IL17RA: variants seen among roughly 807,000 people sequenced by gnomAD.
The protein encoded by IL17RA is interleukin-17 receptor A.
Under a neutral mutation model 50.4 loss-of-function variants are expected in IL17RA, and 34 were observed. The ratio of observed to expected loss-of-function variants is 0.67; its 90% CI spans 0.51 to 0.90. The LOEUF is 0.90. Among genes scored for constraint, IL17RA ranks in the 40% least tolerant of loss-of-function variants. The probability of loss-of-function intolerance (pLI) is 0.00; values close to 1 mark genes in which losing one functional copy is unlikely to be tolerated. For missense variants in IL17RA, 1,276 were observed against 1,169.8 expected, an observed-to-expected ratio of 1.09 and a Z score of -1.32; for synonymous variants, 585 against 510.4, an observed-to-expected ratio of 1.15 and a Z score of -1.97.
rs984586579 is a variant in IL17RA, at chr22:17,115,589, A to G, written c.*5769A>G. On this transcript the variant is annotated 3_prime_UTR_variant, in exon 13 of 13. Coordinates refer to ENST00000319363, the MANE Select transcript of IL17RA (RefSeq NM_014339.7). Reference sequence around the variant, plus strand: ...AATACTGGCTGCCTCTGTGCTAAGAAAAAAAAAAAATCACTGTGTGTTTGT... The same window carrying G: ...AATACTGGCTGCCTCTGTGCTAAGAGAAAAAAAAAATCACTGTGTGTTTGT... 1.3e-5 allele frequency: 2 copies of G among 150,796 alleles called. No individual in the cohort carries two copies. Among genetic ancestry groups the G allele is most frequent in the Admixed American group, 6.6e-5 (1 of 15,108 alleles). The allele number at this position is 150,796 out of a possible 1,614,324, so 9.3% of individuals were successfully genotyped here.
In IL17RA at chr22:17,109,490, G is replaced by A; in HGVS notation, c.2271G>A (p.Glu757=). The A allele has an allele frequency of 6.2e-7, 1 of 1,609,466 alleles. No individual in the cohort carries two copies. Among genetic ancestry groups the A allele is most frequent in the South Asian group, 1.1e-5 (1 of 90,358 alleles). The change falls in exon 13 of 13, where the codon GAG becomes GAA. Residue 757 remains glutamate (E), a synonymous_variant. Transcript: ENST00000319363. The part of the protein sequence containing the change: ...HLEGLMLSLF[E]QSLSCQAQGG... Reference sequence around the variant, plus strand: ...AAGGCTTGATGCTCTCGCTCTTCGAGCAGAGTCTGAGCTGCCAGGCCCAGG... The same window carrying A: ...AAGGCTTGATGCTCTCGCTCTTCGAACAGAGTCTGAGCTGCCAGGCCCAGG...
chr22:17,091,609 C>T (rs904031752), intron 1 of IL17RA, among the ~76,000 whole-genome samples: 14 of 151,588 alleles, frequency 9.2e-5, no homozygotes, highest in African/African-American at 3.2e-4. Context: ...ACCTGGGAGG[C>T]GGGGCTTGCA....
At chr22:17,094,703 A>ATATATATATATATATC (rs1169514026) in intron 1 of IL17RA, among the ~76,000 whole-genome samples, 1 of 65,882 alleles carries the variant, frequency 1.5e-5, no homozygotes, top group Non-Finnish European at 2.8e-5. Flanking sequence ...ATATATATAT[A>ATATATATATATATATC]TATATATATA....
chr22:17,102,859 A>G (rs1000736022), intron 7 of IL17RA, among the ~76,000 whole-genome samples: 3 of 152,148 alleles, frequency 2.0e-5, no homozygotes, highest in South Asian at 4.2e-4. Context: ...GACATAAAAT[A>G]TGCCAGGCAC....
At chr22:17,097,279 A>G in intron 2 of IL17RA, 193 bp downstream of exon 2, 1 of 652,464 alleles carries the variant, frequency 1.5e-6, no homozygotes, top group Non-Finnish European at 2.8e-6. Flanking sequence ...ATTATGCAAA[A>G]GTCAGGAAAG....
At chr22:17,098,984 C>T (rs2061379836) in intron 4 of IL17RA, 97 bp downstream of exon 4, 2 of 967,776 alleles carry the variant, frequency 2.1e-6, no homozygotes, top group Non-Finnish European at 3.3e-6. Context: ...GTGGGGGAGA[C>T]CCAGAGGTGC....
Position 17,112,946 on chromosome 22 carries a change from C to G in IL17RA, c.*3126C>G, listed in dbSNP as rs1294353636. On this transcript the variant is annotated 3_prime_UTR_variant, in exon 13 of 13. Transcript: ENST00000319363. ...GCCACCAACAAGCTCCCAACTCCCGCGTAGAGTTTCATGACTTTTTCCTGC... is the reference window on the plus strand; with the variant it reads ...GCCACCAACAAGCTCCCAACTCCCGGGTAGAGTTTCATGACTTTTTCCTGC... 6.6e-6 allele frequency: 1 copy of G among 151,042 alleles called. No homozygotes were observed. The highest frequency in any genetic ancestry group is 2.4e-5 in the African/African-American group (1 of 41,060). 9.4% of individuals were successfully genotyped at this position (151,042 alleles called of 1,614,324 possible).
chr22:17,103,055 T>C (rs1214258174), intron 7 of IL17RA, among the ~76,000 whole-genome samples: 2 of 152,098 alleles, frequency 1.3e-5, no homozygotes, highest in Admixed American at 6.5e-5. Flanking sequence ...GGCAGAAGAA[T>C]CACTTGAACC....
chr22:17,085,196 C>T lies in IL17RA; in HGVS notation c.105C>T (p.Leu35=). The part of the protein sequence containing the change: ...VLAPGGASLR[L]LDHRALVCSQ... ...CCCCGGGTGGCGCCTCCCTGCGACT[C>T]CTGGACCACCGGGCGCTGGTCTGCT... Residue 35 remains leucine, a synonymous_variant, in exon 1 of 13, where the codon CTC becomes CTT. Coordinates refer to ENST00000319363, the MANE Select transcript of IL17RA (RefSeq NM_014339.7). 2 of 1,531,682 alleles carry T rather than the reference C, an allele frequency of 1.3e-6. No homozygotes were observed. The highest frequency in any genetic ancestry group is 1.7e-6 in the Non-Finnish European group (2 of 1,143,922). The allele number at this position is 1,531,682 out of a possible 1,614,324, so 94.9% of individuals were successfully genotyped here.
At chr22:17,100,039 T>C (rs2061384190) in intron 4 of IL17RA, among the ~76,000 whole-genome samples, 1 of 151,830 alleles carries the variant, frequency 6.6e-6, no homozygotes, top group Non-Finnish European at 1.5e-5. Context: ...ATACCCATTG[T>C]CCTAGAATTT....
intron 7 of IL17RA, among the ~76,000 whole-genome samples, chr22:17,102,546 G>A (rs558456478): frequency 6.6e-6 from 1 of 151,844 alleles, no homozygotes; most frequent in African/African-American, 2.4e-5. Flanking sequence ...TCCCCCACAC[G>A]CCCCCTTGTT....
intron 1 of IL17RA, chr22:17,093,987 T>TTA (rs2061356823): frequency 6.6e-6 from 1 of 151,708 alleles, no homozygotes; most frequent in South Asian, 2.1e-4. Context: ...TTATTTTATT[T>TTA]TATTTTATTT....
intron 10 of IL17RA, 121 bp downstream of exon 10, chr22:17,105,723 G>GT (rs1212303668): frequency 9.4e-6 from 13 of 1,377,484 alleles, no homozygotes; most frequent in African/African-American, 1.5e-5. Flanking sequence ...CCCGGGGTGG[G>GT]GGGTGAGACC....
intron 1 of IL17RA, among the ~76,000 whole-genome samples, chr22:17,094,667 C>CTATA (rs2061359995): frequency 3.6e-4 from 9 of 25,104 alleles, no homozygotes; most frequent in Non-Finnish European, 6.7e-4. Flanking sequence ...CTCTCTCTCT[C>CTATA]TCTCTCTCTC....
At chr22:17,095,888 C>T (rs115231956) in intron 1 of IL17RA, among the ~76,000 whole-genome samples, 231 of 152,222 alleles carry the variant, frequency 1.5e-3, no homozygotes, top group African/African-American at 5.4e-3. Flanking sequence ...ATCCTAGGTG[C>T]GTGCAGATGT....
rs759919351 is a variant in IL17RA, at chr22:17,109,732, G to A, written c.2513G>A (p.Ser838Asn). ...LSPEDLESLR[S>N]LQRQLLFRQL... is the part of the protein sequence containing the mutation. ...CCCGAGGACCTGGAGAGCCTGAGGAGCCTCCAGCGGCAGCTGCTTTTCCGC... is the reference window on the plus strand; with the variant it reads ...CCCGAGGACCTGGAGAGCCTGAGGAACCTCCAGCGGCAGCTGCTTTTCCGC... Residue 838 changes from serine (S) to asparagine (N), a missense_variant, in exon 13 of 13, where the codon AGC becomes AAC. Transcript: ENST00000319363. The A allele has an allele frequency of 2.5e-6, 4 of 1,570,326 alleles. No homozygotes were observed. The highest frequency in any genetic ancestry group is 3.8e-5 in the Admixed American group (2 of 52,890).
intron 3 of IL17RA, among the ~76,000 whole-genome samples, chr22:17,098,154 A>G (rs1016082433): frequency 3.3e-5 from 5 of 152,200 alleles, no homozygotes; most frequent in African/African-American, 4.8e-5. Context: ...ACCATTCTTC[A>G]TGAAAGGACT....
intron 4 of IL17RA, 39 bp from the exon 5 acceptor site, chr22:17,100,316 G>A (rs1273170219): frequency 3.7e-6 from 6 of 1,612,796 alleles, no homozygotes; most frequent in Non-Finnish European, 5.1e-6. Context: ...ACAGAGGTGT[G>A]TGTAATCCAT....
intron 4 of IL17RA, 138 bp downstream of exon 4, chr22:17,099,025 C>T: frequency 6.7e-6 from 5 of 749,268 alleles, no homozygotes; most frequent in Non-Finnish European, 9.5e-6. Flanking sequence ...AGAATGGCAG[C>T]CTGAGATGGG....
Sources: allele counts gnomAD v4.1 joint callset (sites outside exome capture counted in the v4.1 genomes callset), GRCh38; gene constraint gnomAD v4.1.1; transcripts MANE v1.5; gene names NCBI Gene and HGNC (gene_info 2026-07-23, HGNC 2026-07-21).